GCNT2: variants seen among roughly 807,000 people sequenced by gnomAD.
GCNT2 encodes the protein glucosaminyl (N-acetyl) transferase 2 (I blood group), also known as N-acetyllactosaminide beta-1,6-N-acetylglucosaminyl-transferase.
A neutral mutation model predicts 34.2 loss-of-function variants in GCNT2; 34 were observed. That is an observed-to-expected ratio of 1.00 (90% CI 0.76 to 1.32). The LOEUF (loss-of-function observed/expected upper bound fraction) is 1.32, where lower values mean the gene tolerates loss of function less well. Ranked by LOEUF, GCNT2 falls within the 40% of genes most tolerant of loss-of-function variation. The pLI is 0.00. For missense variants in GCNT2, 584 were observed against 489.4 expected, an observed-to-expected ratio of 1.19 and a Z score of -1.82; for synonymous variants, 212 against 188.0, an observed-to-expected ratio of 1.13 and a Z score of -1.04.
chr6:10,623,432 C>T (rs1766130017), intron 4 of GCNT2, among the ~76,000 whole-genome samples: 1 of 151,862 alleles, frequency 6.6e-6, no homozygotes, highest in Non-Finnish European at 1.5e-5. Flanking sequence ...GCTGAGATTA[C>T]AGGCACCCAC....
At chr6:10,612,793 G>T (rs994017618) in intron 3 of GCNT2, among the ~76,000 whole-genome samples, 3 of 152,176 alleles carry the variant, frequency 2.0e-5, no homozygotes, top group African/African-American at 7.2e-5. Context: ...TTCAAAGCTG[G>T]TGCTGTCAGT....
chr6:10,528,095 A>G (rs1358592446), intron 2 of GCNT2, among the ~76,000 whole-genome samples: 1 of 152,228 alleles, frequency 6.6e-6, no homozygotes, highest in Non-Finnish European at 1.5e-5. Context: ...TTTTAAAAAA[A>G]GAAGTTAGCC....
intron 3 of GCNT2, among the ~76,000 whole-genome samples, chr6:10,530,478 T>C (rs1030991690): frequency 1.3e-5 from 2 of 152,222 alleles, no homozygotes; most frequent in Non-Finnish European, 2.9e-5. Context: ...GATTTCATAA[T>C]ATTTTTGTCT....
At chr6:10,616,684 C>G (rs1419187244) in intron 3 of GCNT2, among the ~76,000 whole-genome samples, 3 of 151,724 alleles carry the variant, frequency 2.0e-5, no homozygotes, top group Non-Finnish European at 2.9e-5. Context: ...GATTGGTGCA[C>G]TCACAAACCC....
rs1026470013 is a variant in GCNT2, at chr6:10,541,993, T to G, written c.925+12157T>G. Among the ~76,000 whole-genome samples, 8 of 152,272 alleles carry G rather than the reference T, an allele frequency of 5.3e-5. No homozygotes were observed. In the South Asian group the frequency reaches 1.5e-3, roughly 28 times the overall value. ...TGGAGGGTAGGGAGCTTTATATCTT[T>G]GCGAGCCTCAACCAACACAAAGCTT... On this transcript the variant is annotated intron_variant, in intron 3 of 4. Coordinates refer to ENST00000495262, the MANE Select transcript of GCNT2 (RefSeq NM_145649.5).
At chr6:10,624,011 T>C (rs1292375814) in intron 4 of GCNT2, among the ~76,000 whole-genome samples, 1 of 152,176 alleles carries the variant, frequency 6.6e-6, no homozygotes, top group African/African-American at 2.4e-5. Context: ...TTTTTGCCGT[T>C]TGTACTTCCC....
At chr6:10,568,653 A>G (rs1763389829) in intron 3 of GCNT2, among the ~76,000 whole-genome samples, 1 of 152,192 alleles carries the variant, frequency 6.6e-6, no homozygotes, top group Admixed American at 6.5e-5. Context: ...ACATCTCAAC[A>G]TGGCAGGTTG....
Position 10,529,337 on chromosome 6 carries a change from G to A in GCNT2, c.426G>A (p.Gln142=). The A allele has an allele frequency of 6.2e-7, 1 of 1,614,034 alleles. No homozygotes were observed. Among genetic ancestry groups the A allele is most frequent in the Non-Finnish European group, 8.5e-7 (1 of 1,180,016 alleles). The change falls in exon 3 of 5, where the codon CAG becomes CAA. Residue 142 remains glutamine, a synonymous_variant. Transcript: ENST00000495262. The part of the protein sequence containing the change: ...ATDAFKGAVK[Q]LLSCFPNAFL... ...ATGCCTTTAAAGGTGCAGTGAAACA[G>A]TTACTCAGCTGCTTCCCAAATGCTT...
chr6:10,593,752 T>C (rs1214061860), intron 3 of GCNT2, among the ~76,000 whole-genome samples: 1 of 152,228 alleles, frequency 6.6e-6, no homozygotes, highest in Non-Finnish European at 1.5e-5. Context: ...ATGTCCATAG[T>C]ACAATGATCA....
At chr6:10,572,725 C>T (rs936251262) in intron 3 of GCNT2, among the ~76,000 whole-genome samples, 1 of 151,822 alleles carries the variant, frequency 6.6e-6, no homozygotes, top group African/African-American at 2.4e-5. Flanking sequence ...CAGAGCGAGA[C>T]TCCGTCTCAA....
At position 10,529,585 on chromosome 6, in the gene GCNT2, C is replaced by G; in HGVS notation, c.674C>G (p.Ala225Gly). The change falls in exon 3 of 5, where the codon GCT becomes GGT. Residue 225 changes from alanine (A) to glycine (G), a missense_variant. Ala to Gly is a moderately conservative substitution (Grantham distance 60, BLOSUM62 0). Coordinates refer to ENST00000495262, the MANE Select transcript of GCNT2 (RefSeq NM_145649.5). Reference sequence around the variant, plus strand: ...CCCGGAGTGCTGCCTCCTGACCACGCTGTTGGACGGACTAAATACGTCCAC... The same window carrying G: ...CCCGGAGTGCTGCCTCCTGACCACGGTGTTGGACGGACTAAATACGTCCAC... ...ITPGVLPPDHAVGRTKYVHQE... is the reference protein window; with the variant it reads ...ITPGVLPPDHGVGRTKYVHQE... The G allele has an allele frequency of 6.2e-7, 1 of 1,614,074 alleles. No individual in the cohort carries two copies. The highest frequency in any genetic ancestry group is 1.3e-5 in the African/African-American group (1 of 75,052).
intron 3 of GCNT2, among the ~76,000 whole-genome samples, chr6:10,589,068 A>AC (rs1764500839): frequency 1.4e-5 from 1 of 74,066 alleles, no homozygotes; most frequent in African/African-American, 5.6e-5. Flanking sequence ...GTGTGTGTGT[A>AC]GTGTGTGGCG....
At chr6:10,599,227 G>A (rs866365417) in intron 3 of GCNT2, among the ~76,000 whole-genome samples, 31 of 152,310 alleles carry the variant, frequency 2.0e-4, no homozygotes, top group South Asian at 6.2e-4. Context: ...GAGTGGGATC[G>A]ATTGTACCAG....
intron 3 of GCNT2, among the ~76,000 whole-genome samples, chr6:10,541,996 G>A (rs1280076348): frequency 6.6e-6 from 1 of 152,060 alleles, no homozygotes; most frequent in Non-Finnish European, 1.5e-5. Flanking sequence ...ATATCTTTGC[G>A]AGCCTCAACC....
intron 3 of GCNT2, among the ~76,000 whole-genome samples, chr6:10,537,259 T>C (rs1761803653): frequency 6.6e-6 from 1 of 152,136 alleles, no homozygotes; most frequent in Non-Finnish European, 1.5e-5. Flanking sequence ...GATCACTGAG[T>C]TTGTTCTTCG....
intron 3 of GCNT2, chr6:10,586,968 C>T (rs1417283825): frequency 8.2e-7 from 1 of 1,223,888 alleles, no homozygotes; most frequent in Non-Finnish European, 1.2e-6. Flanking sequence ...ACATTCTGCT[C>T]GCCTAGAGAA....
intron 3 of GCNT2, among the ~76,000 whole-genome samples, chr6:10,587,958 A>G (rs1165703561): frequency 6.6e-6 from 1 of 152,136 alleles, no homozygotes; most frequent in Non-Finnish European, 1.5e-5. Context: ...CCATTCTTGA[A>G]ATAACTCCCA....
intron 3 of GCNT2, among the ~76,000 whole-genome samples, chr6:10,543,435 C>T (rs779952502): frequency 3.9e-5 from 6 of 152,164 alleles, no homozygotes; most frequent in Non-Finnish European, 8.8e-5. Context: ...AAATGATCCA[C>T]CTGCCTCGGC....
intron 3 of GCNT2, among the ~76,000 whole-genome samples, chr6:10,532,298 A>G (rs1411903549): frequency 6.6e-6 from 1 of 152,214 alleles, no homozygotes; most frequent in Non-Finnish European, 1.5e-5. Context: ...GTTAGCAGTA[A>G]CAGATTGGCA....
Sources: gnomAD v4.1 joint callset for allele counts (sites outside exome capture counted in the v4.1 genomes callset) on GRCh38, gnomAD v4.1.1 for gene constraint, MANE v1.5 for transcripts, NCBI Gene and HGNC (gene_info 2026-07-23, HGNC 2026-07-21) for gene names.